Variants in PCDHA3 observed in about 807,000 individuals in gnomAD.
PCDHA3 encodes protocadherin alpha-3.
Under a neutral mutation model 62.2 loss-of-function variants are expected in PCDHA3, and 41 were observed. The observed-to-expected ratio is 0.66, with a 90% CI of 0.51 to 0.86. The LOEUF (loss-of-function observed/expected upper bound fraction) is 0.86. Ranked by LOEUF, PCDHA3 falls within the 40% of genes least tolerant of loss-of-function variation. PCDHA3 has a pLI of 0.00. For missense variants in PCDHA3, 1,304 were observed against 1,241.2 expected, an observed-to-expected ratio of 1.05 and a Z score of -0.76; for synonymous variants, 640 against 555.4, an observed-to-expected ratio of 1.15 and a Z score of -2.14.
chr5:140,852,300 C>A (rs1056866634), intron 1 of PCDHA3: 2 of 445,888 alleles, frequency 4.5e-6, no homozygotes, highest in East Asian at 1.5e-4. Flanking sequence ...TTTTCTGAGA[C>A]GGAGTCGTTT....
At chr5:140,995,132 A>G (rs2097665905) in intron 3 of PCDHA3, among the ~76,000 whole-genome samples, 1 of 152,222 alleles carries the variant, frequency 6.6e-6, no homozygotes, top group African/African-American at 2.4e-5. Flanking sequence ...CTGAAACCTC[A>G]TTTAGTACTG....
intron 3 of PCDHA3, among the ~76,000 whole-genome samples, chr5:140,993,462 TCACACACACACACA>T (rs3836747): frequency 0.028 from 4,017 of 141,026 alleles, 179 homozygotes; most frequent in African/African-American, 0.099. Context: ...TCTTTCTTTC[TCACACACACACACA>T]CACACACACA....
At chr5:140,839,410 G>A (rs1776218295) in intron 1 of PCDHA3, among the ~76,000 whole-genome samples, 1 of 151,704 alleles carries the variant, frequency 6.6e-6, no homozygotes, top group South Asian at 2.1e-4. Context: ...TTATTTTTGA[G>A]ACAGGGTCTC....
chr5:140,871,643 C>G (rs1432039358), intron 1 of PCDHA3: 1 of 1,293,296 alleles, frequency 7.7e-7, no homozygotes, highest in Admixed American at 2.9e-5. Flanking sequence ...TCATAAAATA[C>G]CAAATGATAC....
chr5:140,884,590 C>T, intron 1 of PCDHA3: 1 of 1,614,182 alleles, frequency 6.2e-7, no homozygotes, highest in Non-Finnish European at 8.5e-7. Flanking sequence ...CCTTCAGTCC[C>T]AGCCTTCCTC....
chr5:140,845,305 G>A lies in PCDHA3; in HGVS notation c.2394+41714G>A, dbSNP rs2150378227. Among the ~76,000 whole-genome samples the A allele has an allele frequency of 3.4e-4, 51 of 149,092 alleles. 5 individuals carry two copies. The highest frequency in any genetic ancestry group is 6.7e-4 in the Non-Finnish European group (45 of 66,692). On this transcript the variant is annotated intron_variant, in intron 1 of 3. Transcript: ENST00000522353. ...TTCCTATCCTGTCTATGTCTACCTG[G>A]TTCTCAGGTATTACTTTAATTACTG...
At chr5:140,937,658 A>T (rs1045534345) in intron 1 of PCDHA3, among the ~76,000 whole-genome samples, 2 of 151,280 alleles carry the variant, frequency 1.3e-5, no homozygotes, top group Non-Finnish European at 2.9e-5. Flanking sequence ...CACGCCTGTA[A>T]TCCCAGCACT....
At position 140,847,060 on chromosome 5, in the gene PCDHA3, C is replaced by T. The variant is rs1457152734; in HGVS notation, c.2394+43469C>T. ...TAAGGAAAGTTGAAGACACAGAAAG[C>T]ATCAATATGACAAGTAGAAAAGTCC... On this transcript the variant is annotated intron_variant, in intron 1 of 3. Coordinates refer to ENST00000522353, the MANE Select transcript of PCDHA3 (RefSeq NM_018906.3). 1.3e-5 allele frequency among the ~76,000 whole-genome samples: 2 copies of T among 149,600 alleles called. 1 individual carries two copies. Among genetic ancestry groups the T allele is most frequent in the Non-Finnish European group, 3.0e-5 (2 of 66,898 alleles).
At chr5:140,829,399 G>A in intron 1 of PCDHA3, 2 of 1,614,074 alleles carry the variant, frequency 1.2e-6, no homozygotes, top group African/African-American at 1.3e-5. Context: ...CTTCGCTGTG[G>A]GCCACCGCCA....
At chr5:140,903,076 C>T (rs1479702171) in intron 1 of PCDHA3, among the ~76,000 whole-genome samples, 1 of 152,122 alleles carries the variant, frequency 6.6e-6, no homozygotes, top group Admixed American at 6.5e-5. Flanking sequence ...GGGTAGATAC[C>T]TGATAGTGGC....
chr5:140,903,818 T>A (rs1554191152), intron 1 of PCDHA3, among the ~76,000 whole-genome samples: 1 of 152,202 alleles, frequency 6.6e-6, no homozygotes. Context: ...AGTTCTCACA[T>A]GAATGTCTGT....
At chr5:140,982,253 A>T (rs1209317234) in intron 2 of PCDHA3, 1 of 777,640 alleles carries the variant, frequency 1.3e-6, no homozygotes, top group African/African-American at 1.8e-5. Flanking sequence ...AAGATAGAAC[A>T]TGTGTGTTCC....
At position 140,982,478 on chromosome 5, in the gene PCDHA3, T is replaced by C; in HGVS notation, c.2457T>C (p.Ser819=). ...CTGGGTCTGTGTGTTTATTCAGCTCTGTGCACCTAGAGGAGGCTGGCATTC... is the reference window on the plus strand; with the variant it reads ...CTGGGTCTGTGTGTTTATTCAGCTCCGTGCACCTAGAGGAGGCTGGCATTC... ...SASLRAGMHS[S]VHLEEAGILR... Residue 819 remains serine (S), a synonymous_variant, in exon 3 of 4, where the codon TCT becomes TCC. Coordinates refer to ENST00000522353, the MANE Select transcript of PCDHA3 (RefSeq NM_018906.3). 1 of 1,614,192 alleles carries C rather than the reference T, an allele frequency of 6.2e-7. No individual in the cohort carries two copies. The highest frequency in any genetic ancestry group is 2.2e-5 in the East Asian group (1 of 44,884).
rs541589842 is a variant in PCDHA3, at chr5:140,964,001, A to G, written c.2395-14948A>G. Reference sequence around the variant, plus strand: ...TCTATATTCCTAATTACTGTGTTCTACTTTTTAATAGAGAGCTCTTGAAGG... The same window carrying G: ...TCTATATTCCTAATTACTGTGTTCTGCTTTTTAATAGAGAGCTCTTGAAGG... On this transcript the variant is annotated intron_variant, in intron 1 of 3. Transcript: ENST00000522353. Among the ~76,000 whole-genome samples the G allele has an allele frequency of 9.2e-5, 14 of 152,286 alleles. No homozygotes were observed. The South Asian group carries it at 2.7e-3, about 29-fold the overall frequency.
At chr5:140,823,033 T>C (rs2150121550) in intron 1 of PCDHA3, 1 of 1,614,218 alleles carries the variant, frequency 6.2e-7, no homozygotes, top group South Asian at 1.1e-5. Flanking sequence ...CGTGTCGGTC[T>C]ATGAGCTGGT....
chr5:140,833,118 A>G (rs1296714112), intron 1 of PCDHA3, among the ~76,000 whole-genome samples: 1 of 152,250 alleles, frequency 6.6e-6, no homozygotes, highest in African/African-American at 2.4e-5. Flanking sequence ...CTTCAAAGTC[A>G]TTTGAAAGCT....
intron 3 of PCDHA3, among the ~76,000 whole-genome samples, chr5:140,999,046 T>C (rs2097844534): frequency 6.6e-6 from 1 of 152,228 alleles, no homozygotes; most frequent in South Asian, 2.1e-4. Flanking sequence ...CAGTGTGCTT[T>C]CCACCATGCC....
At chr5:140,927,741 C>T (rs782292892) in intron 1 of PCDHA3, 1 of 1,614,244 alleles carries the variant, frequency 6.2e-7, no homozygotes, top group East Asian at 2.2e-5. Flanking sequence ...TGCGACACCG[C>T]TTTCACGTGC....
In PCDHA3 at chr5:140,876,565, G is replaced by C. The variant is rs371696514; in HGVS notation, c.2394+72974G>C. 63 of 1,614,064 alleles carry C rather than the reference G, an allele frequency of 3.9e-5. No homozygotes were observed. In the Middle Eastern group the frequency reaches 4.9e-4, roughly 13 times the overall value. On this transcript the variant is annotated intron_variant, in intron 1 of 3. Transcript: ENST00000522353. ...GCTCCCTGTGCAAGAGGATGCTCAG[G>C]TGGGTACCGTCATTGCCCTGATTAG...
Sources: allele counts gnomAD v4.1 joint callset (sites outside exome capture counted in the v4.1 genomes callset), GRCh38; gene constraint gnomAD v4.1.1; transcripts MANE v1.5; gene names NCBI Gene and HGNC (gene_info 2026-07-23, HGNC 2026-07-21).